The following PDE5A variants were observed in gnomAD, a reference collection of about 807,000 sequenced individuals.
The protein encoded by PDE5A is phosphodiesterase 5A, also known as cGMP-specific 3',5'-cyclic phosphodiesterase.
Under a neutral mutation model 110.2 loss-of-function variants are expected in PDE5A, and 67 were observed. That is an observed-to-expected ratio of 0.61 (90% CI 0.50 to 0.75). The LOEUF is 0.75. PDE5A is among the 30% of genes least tolerant of loss of function. PDE5A has a pLI of 0.00. For missense variants in PDE5A, 862 were observed against 1,045.1 expected (o/e 0.82, Z 2.42); for synonymous variants, 328 against 351.2 (o/e 0.93, Z 0.74).
chr4:119,511,284 TG>T, intron 14 of PDE5A, 150 bp from the exon 15 acceptor site: 1 of 580,042 alleles, frequency 1.7e-6, no homozygotes, highest in South Asian at 2.3e-5. Context: ...GAGAAAAGTG[TG>T]AGATAATCTC....
chr4:119,565,432 A>G, intron 4 of PDE5A, 22 bp from the exon 5 acceptor site: 3 of 1,520,952 alleles, frequency 2.0e-6, no homozygotes, highest in Non-Finnish European at 2.7e-6. Context: ...ATAATAGACA[A>G]ATAAAAACGG....
At chr4:119,586,417 T>C (rs553380049) in intron 3 of PDE5A, among the ~76,000 whole-genome samples, 5 of 152,282 alleles carry the variant, frequency 3.3e-5, no homozygotes, top group Admixed American at 1.3e-4. Flanking sequence ...AGATAAGCAT[T>C]TAACAACAAG....
chr4:119,561,242 T>G (rs936221457), intron 6 of PDE5A, among the ~76,000 whole-genome samples: 5 of 152,216 alleles, frequency 3.3e-5, no homozygotes, highest in African/African-American at 1.2e-4. Context: ...AAATGATAGT[T>G]TAATCTGGGG....
intron 7 of PDE5A, among the ~76,000 whole-genome samples, chr4:119,556,940 A>AGGAATATGGATCTCATTCTTTTACTGATG (rs1727562432): frequency 6.6e-6 from 1 of 152,204 alleles, no homozygotes; most frequent in Non-Finnish European, 1.5e-5. Context: ...GTGTAATACA[A>AGGAATATGGATCTCATTCTTTTACTGATG]GGAATATGGA....
chr4:119,537,434 G>A (rs1726763730), intron 11 of PDE5A, among the ~76,000 whole-genome samples: 1 of 151,868 alleles, frequency 6.6e-6, no homozygotes, highest in African/African-American at 2.4e-5. Flanking sequence ...TCCTACCACT[G>A]ATGAGATCTC....
At position 119,628,544 on chromosome 4, in the gene PDE5A, G is replaced by A. The variant is rs1238998646; in HGVS notation, c.128C>T (p.Ser43Leu). 1.3e-6 allele frequency: 2 copies of A among 1,594,258 alleles called. No individual in the cohort carries two copies. The highest frequency in any genetic ancestry group is 1.7e-6 in the Non-Finnish European group (2 of 1,166,608). Reference sequence around the variant, plus strand: ...CCTGGTGGCTTTTCTAACAAAGTATGAGAAGGTAAAGTCCCAGTGATCGTC... The same window carrying A: ...CCTGGTGGCTTTTCTAACAAAGTATAAGAAGGTAAAGTCCCAGTGATCGTC... Reference protein sequence around the residue: ...WLDDHWDFTFSYFVRKATREM... With the variant: ...WLDDHWDFTFLYFVRKATREM... The change falls in exon 1 of 21, where the codon TCA becomes TTA. Residue 43 changes from serine to leucine, a missense_variant. Transcript: ENST00000354960.
At chr4:119,614,187 T>C (rs2110557171) in intron 1 of PDE5A, among the ~76,000 whole-genome samples, 1 of 152,062 alleles carries the variant, frequency 6.6e-6, no homozygotes, top group South Asian at 2.1e-4. Flanking sequence ...TCTAACTAAA[T>C]TCCAACATAT....
chr4:119,502,190 A>ATGTT (rs1231346765), intron 19 of PDE5A, among the ~76,000 whole-genome samples: 2 of 151,214 alleles, frequency 1.3e-5, no homozygotes, highest in Non-Finnish European at 2.9e-5. Context: ...TCTATGATGG[A>ATGTT]TGTTTATCAC....
chr4:119,522,634 CTA>C (rs1046808924), intron 12 of PDE5A, among the ~76,000 whole-genome samples: 4 of 152,006 alleles, frequency 2.6e-5, no homozygotes, highest in African/African-American at 9.7e-5. Context: ...ATGGACTACT[CTA>C]TTTTCCTTTT....
intron 1 of PDE5A, among the ~76,000 whole-genome samples, chr4:119,622,863 C>T (rs1191246922): frequency 2.6e-3 from 58 of 22,640 alleles, no homozygotes; most frequent in African/African-American, 7.4e-3. Flanking sequence ...TACTCCGTCT[C>T]GAAAAAAAAA....
At chr4:119,543,402 A>G (rs1478944508) in intron 9 of PDE5A, 1 of 152,034 alleles carries the variant, frequency 6.6e-6, no homozygotes, top group Admixed American at 6.6e-5. Context: ...GTGTTGTTAA[A>G]GTCCTTATCA....
intron 12 of PDE5A, 108 bp from the exon 13 acceptor site, chr4:119,521,168 G>A: frequency 8.8e-7 from 1 of 1,131,214 alleles, no homozygotes; most frequent in Non-Finnish European, 1.2e-6. Context: ...ACTCCGATTT[G>A]GATCATCTTA....
chr4:119,567,281 T>TC, intron 3 of PDE5A, 137 bp from the exon 4 acceptor site: 1 of 605,578 alleles, frequency 1.7e-6, no homozygotes, highest in Non-Finnish European at 3.0e-6. Flanking sequence ...GCAAAACCCC[T>TC]CATCAGCATT....
chr4:119,574,970 C>A (rs937317093), intron 3 of PDE5A, among the ~76,000 whole-genome samples: 1 of 152,084 alleles, frequency 6.6e-6, no homozygotes, highest in Admixed American at 6.5e-5. Flanking sequence ...ACTAGAATAA[C>A]CAATGCAGAG....
chr4:119,626,966 TAAGACCCTTATTAATACATCTGCAA>T (rs1159168357), intron 1 of PDE5A, among the ~76,000 whole-genome samples: 2 of 151,830 alleles, frequency 1.3e-5, no homozygotes, highest in African/African-American at 2.4e-5. Flanking sequence ...GGGCCCAATT[TAAGACCCTTATTAATACATCTGCAA>T]GAGAGCAAAG....
At chr4:119,602,084 A>G (rs1729366528) in intron 2 of PDE5A, among the ~76,000 whole-genome samples, 1 of 152,136 alleles carries the variant, frequency 6.6e-6, no homozygotes, top group Admixed American at 6.6e-5. Context: ...AACTGATGAA[A>G]TTTTGACTAT....
At chr4:119,540,102 T>C (rs1345707352) in intron 10 of PDE5A, among the ~76,000 whole-genome samples, 1 of 152,150 alleles carries the variant, frequency 6.6e-6, no homozygotes, top group Non-Finnish European at 1.5e-5. Context: ...TTAAAGTATC[T>C]ATCATGCTTT....
rs918313248 is a variant in PDE5A, at chr4:119,567,617, C to A, written c.832-473G>T. 4.0e-4 allele frequency among the ~76,000 whole-genome samples: 61 copies of A among 152,096 alleles called. 2 individuals are homozygous for A. Among genetic ancestry groups the A allele is most frequent in the Non-Finnish European group, 1.8e-4 (12 of 68,020 alleles). On this transcript the variant is annotated intron_variant, in intron 3 of 20. Transcript: ENST00000354960. ...AATCATGGAAAGAATGCAGGAGGAT[C>A]ATTAGGGCAAAAATAATTCTTAATG...
intron 5 of PDE5A, among the ~76,000 whole-genome samples, chr4:119,564,873 A>G (rs3775858): frequency 0.29 from 44,581 of 152,012 alleles, 6,585 homozygotes; most frequent in East Asian, 0.38. Context: ...GTCCAGATGG[A>G]AAAAGCAGGG....
Sources: allele counts gnomAD v4.1 joint callset (sites outside exome capture counted in the v4.1 genomes callset), GRCh38; gene constraint gnomAD v4.1.1; transcripts MANE v1.5; gene names NCBI Gene and HGNC (gene_info 2026-07-23, HGNC 2026-07-21).